The following SLC6A11 variants were observed in gnomAD, a reference collection of about 807,000 sequenced individuals.
The protein encoded by SLC6A11 is solute carrier family 6 member 11.
SLC6A11 carries 25 observed loss-of-function variants against 74.8 expected under a neutral mutation model. That is an observed-to-expected ratio of 0.33 (90% confidence interval 0.24 to 0.47). The LOEUF is 0.47. Ranked by LOEUF, SLC6A11 falls within the 20% of genes least tolerant of loss-of-function variation. The pLI, the probability that SLC6A11 is intolerant of heterozygous loss-of-function variation, is 1.00. For synonymous variants in SLC6A11, 330 were observed against 330.2 expected, an observed-to-expected ratio of 1.00 and a Z score of 0.01; for missense variants, 574 against 837.0, an observed-to-expected ratio of 0.69 and a Z score of 3.88.
rs1415749320 is a variant in SLC6A11, at chr3:10,940,304, C to T, written c.*1902C>T. ...CTCGGCTGCTGTCTTCCCAGCAGGC[C>T]CCAGGCAAGGAGGCTTCCCATTGCT... On this transcript the variant is annotated 3_prime_UTR_variant, in exon 14 of 14. Transcript: ENST00000254488. 1 of 143,862 alleles carries T rather than the reference C, an allele frequency of 7.0e-6. No individual in the cohort carries two copies. The highest frequency in any genetic ancestry group is 1.9e-4 in the East Asian group (1 of 5,134). The allele number at this position is 143,862 out of a possible 1,614,324, so 8.9% of individuals were successfully genotyped here.
Position 10,844,270 on chromosome 3 carries a change from A to G in SLC6A11, c.680A>G (p.Glu227Gly). Reference protein sequence around the residue: ...GIEHIGNLRWELALCLLAAWT... With the variant: ...GIEHIGNLRWGLALCLLAAWT... ...GAGCACATCGGGAACCTTCGCTGGG[A>G]GCTGGCCTTGTGTCTCTTGGCAGCC... is the stretch of plus-strand genomic sequence containing the variant. The change falls in exon 5 of 14, where the codon GAG (glutamate) becomes GGG (glycine). Residue 227 changes from glutamate to glycine, a missense_variant. Physicochemically the swap from Glu to Gly is moderately conservative, Grantham distance 98 (BLOSUM62 -2). Around this residue, in one of 4 missense-constraint regions of SLC6A11, gnomAD observed 215 missense variants for 357.9 expected, o/e 0.60. Coordinates refer to ENST00000254488, the MANE Select transcript of SLC6A11 (RefSeq NM_014229.3). 1 of 1,614,148 alleles carries G rather than the reference A, an allele frequency of 6.2e-7. No individual in the cohort carries two copies. Among genetic ancestry groups the G allele is most frequent in the Non-Finnish European group, 8.5e-7 (1 of 1,180,034 alleles).
intron 4 of SLC6A11, among the ~76,000 whole-genome samples, chr3:10,842,489 G>C (rs903530237): frequency 1.3e-5 from 2 of 152,168 alleles, no homozygotes; most frequent in Non-Finnish European, 2.9e-5. Context: ...TCTCTTAAAG[G>C]CCTCATTTAA....
intron 9 of SLC6A11, among the ~76,000 whole-genome samples, chr3:10,928,158 TATG>T (rs1695634257): frequency 6.6e-6 from 1 of 152,196 alleles, no homozygotes; most frequent in African/African-American, 2.4e-5. Context: ...ACATCGCAGG[TATG>T]ATATGTTTGC....
At chr3:10,836,893 C>T (rs1327137802) in intron 4 of SLC6A11, among the ~76,000 whole-genome samples, 2 of 152,254 alleles carry the variant, frequency 1.3e-5, no homozygotes, top group Non-Finnish European at 2.9e-5. Context: ...CACACCCATT[C>T]ATTTACAAAT....
At chr3:10,873,368 TGC>T (rs1469715423) in intron 5 of SLC6A11, among the ~76,000 whole-genome samples, 3 of 148,486 alleles carry the variant, frequency 2.0e-5, no homozygotes, top group African/African-American at 7.4e-5. Context: ...CCCTCCCCTA[TGC>T]TCACCTTCAT....
At chr3:10,927,761 C>T (rs747475919) in intron 9 of SLC6A11, among the ~76,000 whole-genome samples, 3 of 152,224 alleles carry the variant, frequency 2.0e-5, no homozygotes, top group Admixed American at 1.3e-4. Flanking sequence ...CTAGTCACCT[C>T]GCCTCTCTGT....
At chr3:10,835,872 A>G (rs572551980) in intron 4 of SLC6A11, among the ~76,000 whole-genome samples, 39 of 152,330 alleles carry the variant, frequency 2.6e-4, no homozygotes, top group African/African-American at 9.1e-4. Flanking sequence ...TTAACTTTTT[A>G]GAAAGTTTAT....
At chr3:10,868,411 C>G (rs552844295) in intron 5 of SLC6A11, among the ~76,000 whole-genome samples, 1 of 152,326 alleles carries the variant, frequency 6.6e-6, no homozygotes, top group East Asian at 1.9e-4. Context: ...GGAAAACCAC[C>G]CCACAATCCC....
intron 5 of SLC6A11, among the ~76,000 whole-genome samples, chr3:10,848,447 G>A (rs893238975): frequency 6.6e-6 from 1 of 152,202 alleles, no homozygotes; most frequent in Non-Finnish European, 1.5e-5. Context: ...TTGATGCTAG[G>A]CATGTGGGAT....
chr3:10,888,701 G>T (rs565749396), intron 6 of SLC6A11, among the ~76,000 whole-genome samples: 6 of 152,340 alleles, frequency 3.9e-5, no homozygotes, highest in South Asian at 2.1e-4. Flanking sequence ...TGTTGCCACG[G>T]CAGGGGCTGG....
chr3:10,918,222 T>TC lies in SLC6A11; in HGVS notation c.996-104dup. The TC allele has an allele frequency of 7.6e-7, 1 of 1,319,500 alleles. No individual in the cohort carries two copies. Among genetic ancestry groups the TC allele is most frequent in the Middle Eastern group, 2.5e-4 (1 of 4,000 alleles). The allele number at this position is 1,319,500 out of a possible 1,614,324, so 81.7% of individuals were successfully genotyped here. ...AAACAGAGCTCCCTGTGCCTGCACT[T>TC]CCCTGCCTGCCTCACAGGACAGCCA... is the stretch of plus-strand genomic sequence containing the variant. On this transcript the variant is annotated intron_variant, in intron 7 of 13. Transcript: ENST00000254488. The surrounding 1 kb of genome is among the most constrained non-coding windows in gnomAD (Gnocchi z 4.5).
intron 4 of SLC6A11, among the ~76,000 whole-genome samples, chr3:10,841,483 G>A (rs902385455): frequency 4.6e-5 from 7 of 152,174 alleles, no homozygotes; most frequent in Non-Finnish European, 8.8e-5. Context: ...CCTAGTTAAA[G>A]TCAGCGTTGG....
At position 10,919,589 on chromosome 3, in the gene SLC6A11, G is replaced by C. The variant is rs190352504; in HGVS notation, c.1120+1136G>C. On this transcript the variant is annotated intron_variant, in intron 8 of 13. Transcript: ENST00000254488. ...AGGGGTGTGGATGTCAAAGGAGGCA[G>C]CTGATCAGCAAGCTCTGCTCCATGA... Among the ~76,000 whole-genome samples the C allele has an allele frequency of 2.0e-5, 3 of 152,304 alleles. No homozygotes were observed. In the East Asian group the frequency reaches 5.8e-4, roughly 29 times the overall value.
rs992498841 is a variant in SLC6A11, at chr3:10,819,383, A to G, written c.257-82A>G. ...TCAAAGAACATCATGTCTGGCCTGT[A>G]GTAGATGTTTATTAAAGAGTTCTTG... On this transcript the variant is annotated intron_variant, in intron 1 of 13. Coordinates refer to ENST00000254488, the MANE Select transcript of SLC6A11 (RefSeq NM_014229.3). 12 of 1,349,968 alleles carry G rather than the reference A, an allele frequency of 8.9e-6. No homozygotes were observed. In the South Asian group the frequency reaches 1.4e-4, roughly 16 times the overall value. 83.6% of individuals were successfully genotyped at this position (1,349,968 alleles called of 1,614,324 possible). A position where few individuals can be genotyped will look rare whatever the true frequency, so the allele number is the denominator to read the frequency against.
chr3:10,920,960 C>A (rs535049017), intron 8 of SLC6A11, among the ~76,000 whole-genome samples: 1 of 152,324 alleles, frequency 6.6e-6, no homozygotes, highest in South Asian at 2.1e-4. Flanking sequence ...GTCACCTCAC[C>A]TTTCTCAGAA....
At chr3:10,880,333 G>C (rs1025674150) in intron 6 of SLC6A11, among the ~76,000 whole-genome samples, 1 of 152,196 alleles carries the variant, frequency 6.6e-6, no homozygotes, top group Admixed American at 6.5e-5. Context: ...TGATCCTGCA[G>C]TTCAAATTGC....
intron 4 of SLC6A11, among the ~76,000 whole-genome samples, chr3:10,829,904 C>T (rs1694272382): frequency 6.6e-6 from 1 of 152,104 alleles, no homozygotes; most frequent in African/African-American, 2.4e-5. Context: ...GGTGAGCTTT[C>T]TTAGTGCATT....
chr3:10,878,018 T>G (rs553205079), intron 6 of SLC6A11, among the ~76,000 whole-genome samples: 1 of 152,346 alleles, frequency 6.6e-6, no homozygotes, highest in South Asian at 2.1e-4. Flanking sequence ...ACTGGAAAAC[T>G]GTAGTAGCCC....
intron 6 of SLC6A11, among the ~76,000 whole-genome samples, chr3:10,907,020 T>A (rs1695312373): frequency 1.3e-5 from 2 of 152,084 alleles, no homozygotes. Context: ...TGCAAAGCTG[T>A]GATAAGGAAA....
Sources: gnomAD v4.1 joint callset for allele counts (sites outside exome capture counted in the v4.1 genomes callset) on GRCh38, gnomAD v4.1.1 for gene constraint, gnomAD v4.1.1 regional missense constraint, Gnocchi (gnomAD v3.1) non-coding constraint, MANE v1.5 for transcripts, NCBI Gene and HGNC (gene_info 2026-07-23, HGNC 2026-07-21) for gene names.